KREMEN1: variants seen among roughly 807,000 people sequenced by gnomAD.
KREMEN1 encodes the protein kringle containing transmembrane protein 1, also known as kremen protein 1.
Under a neutral mutation model 46.5 loss-of-function variants are expected in KREMEN1, and 30 were observed. The observed-to-expected ratio is 0.65, with a 90% CI of 0.48 to 0.88. KREMEN1 has a LOEUF of 0.88. Among genes scored for constraint, KREMEN1 ranks in the 40% least tolerant of loss-of-function variants. The pLI, the probability that KREMEN1 is intolerant of heterozygous loss-of-function variation, is 0.00. For missense variants in KREMEN1, 533 were observed against 596.9 expected (o/e 0.89, Z 1.11); for synonymous variants, 214 against 230.6 (o/e 0.93, Z 0.65).
Position 29,142,159 on chromosome 22 carries a change from C to T in KREMEN1, c.*47C>T, listed in dbSNP as rs748925110. ...TTGAGGTCCCTCTTTGAGCTCAAGG[C>T]TGCCGTGGTCAACCTCTCCTGTGGT... On this transcript the variant is annotated 3_prime_UTR_variant, in exon 9 of 9. Coordinates refer to ENST00000400335, the MANE Select transcript of KREMEN1 (RefSeq NM_001039570.3). The T allele has an allele frequency of 2.0e-6, 3 of 1,494,174 alleles. No individual in the cohort carries two copies. Among genetic ancestry groups the T allele is most frequent in the Admixed American group, 2.2e-5 (1 of 44,486 alleles). 92.6% of individuals were successfully genotyped at this position (1,494,174 alleles called of 1,614,324 possible). A position where few individuals can be genotyped will look rare whatever the true frequency, so the allele number is the denominator to read the frequency against.
intron 3 of KREMEN1, among the ~76,000 whole-genome samples, chr22:29,101,172 A>G: frequency 6.7e-6 from 1 of 149,670 alleles, no homozygotes; most frequent in African/African-American, 2.5e-5. Flanking sequence ...GAATCACTTG[A>G]ACCTGGGAGG....
chr22:29,144,744 G>A lies in KREMEN1; in HGVS notation c.*2632G>A. 4.1e-6 allele frequency: 4 copies of A among 985,536 alleles called. No homozygotes were observed. The highest frequency in any genetic ancestry group is 4.8e-6 in the Non-Finnish European group (4 of 829,992). The allele number at this position is 985,536 out of a possible 1,614,324, so 61.0% of individuals were successfully genotyped here. ...CAGGGGGCAGTTGTTCAGTTGCCTG[G>A]GGCTGACACTGACCACTGGCCTCTG... is the stretch of plus-strand genomic sequence containing the variant. On this transcript the variant is annotated 3_prime_UTR_variant, in exon 9 of 9. Coordinates refer to ENST00000400335, the MANE Select transcript of KREMEN1 (RefSeq NM_001039570.3).
exon 10 of KREMEN1, chr22:29,167,229 C>T (rs966114113): frequency 1.0e-4 from 82 of 815,026 alleles, no homozygotes; most frequent in Non-Finnish European, 1.6e-4. Flanking sequence ...CGTGGTGGTT[C>T]ATGCCTGTAA....
intron 5 of KREMEN1, among the ~76,000 whole-genome samples, chr22:29,136,833 G>A (rs760690715): frequency 5.3e-5 from 8 of 152,162 alleles, no homozygotes; most frequent in African/African-American, 1.2e-4. Context: ...TCATGGGAGC[G>A]TTGCATGGGT....
intron 3 of KREMEN1, among the ~76,000 whole-genome samples, chr22:29,112,493 T>C (rs900942843): frequency 6.6e-6 from 1 of 152,216 alleles, no homozygotes; most frequent in Non-Finnish European, 1.5e-5. Context: ...TGGGCCTGCC[T>C]GATTGCTTCC....
At chr22:29,159,624 T>TA in intron 9 of KREMEN1, among the ~76,000 whole-genome samples, 1 of 124,040 alleles carries the variant, frequency 8.1e-6, no homozygotes, top group Non-Finnish European at 1.7e-5. Context: ...GTCTAAAAAA[T>TA]AAAAAACAAA....
intron 1 of KREMEN1, among the ~76,000 whole-genome samples, chr22:29,077,033 T>C (rs1394255303): frequency 6.6e-6 from 1 of 152,148 alleles, no homozygotes; most frequent in African/African-American, 2.4e-5. Context: ...CCAAAAGCAA[T>C]AAATGAGTAA....
chr22:29,076,738 G>A (rs919390655), intron 1 of KREMEN1, among the ~76,000 whole-genome samples: 1 of 152,164 alleles, frequency 6.6e-6, no homozygotes, highest in Non-Finnish European at 1.5e-5. Context: ...TGTAATCCCA[G>A]CTACTTGGGA....
intron 5 of KREMEN1, among the ~76,000 whole-genome samples, chr22:29,132,984 C>T (rs2038586449): frequency 6.6e-6 from 1 of 152,168 alleles, no homozygotes; most frequent in African/African-American, 2.4e-5. Context: ...TGTGGTGGCT[C>T]ATGCCTGTAA....
intron 2 of KREMEN1, 80 bp from the exon 3 acceptor site, chr22:29,098,782 C>A: frequency 9.2e-7 from 1 of 1,083,342 alleles, no homozygotes; most frequent in Non-Finnish European, 1.4e-6. Context: ...AAAGCATTTC[C>A]TTTTCTGTAA....
intron 9 of KREMEN1, among the ~76,000 whole-genome samples, chr22:29,161,012 CA>C (rs2039005444): frequency 6.6e-6 from 1 of 152,020 alleles, no homozygotes. Context: ...ATCAAATAAG[CA>C]AAATCAGAAA....
At chr22:29,141,719 C>A (rs1389539300) in intron 8 of KREMEN1, among the ~76,000 whole-genome samples, 3 of 152,194 alleles carry the variant, frequency 2.0e-5, no homozygotes, top group African/African-American at 7.2e-5. Flanking sequence ...TTAGAAAGTT[C>A]TTTGTTATTC....
At position 29,142,869 on chromosome 22, in the gene KREMEN1, GCT is replaced by G. The variant is rs1219934148; in HGVS notation, c.*758_*759del. ...TTTGGTCATATAAAACATCCATTCA[GCT>G]GGGCGCGATGGCTCATGCCTGTAAT... On this transcript the variant is annotated 3_prime_UTR_variant, in exon 9 of 9. Coordinates refer to ENST00000400335, the MANE Select transcript of KREMEN1 (RefSeq NM_001039570.3). 1 of 985,356 alleles carries G rather than the reference GCT, an allele frequency of 1.0e-6. No individual in the cohort carries two copies. Among genetic ancestry groups the G allele is most frequent in the Admixed American group, 6.1e-5 (1 of 16,268 alleles). The allele number at this position is 985,356 out of a possible 1,614,324, so 61.0% of individuals were successfully genotyped here. A position where few individuals can be genotyped will look rare whatever the true frequency, so the allele number is the denominator to read the frequency against.
At chr22:29,116,240 T>C (rs1421956752) in intron 3 of KREMEN1, among the ~76,000 whole-genome samples, 1 of 152,106 alleles carries the variant, frequency 6.6e-6, no homozygotes, top group African/African-American at 2.4e-5. Flanking sequence ...GAAATGGAGA[T>C]AGAATAGGAG....
At chr22:29,127,779 C>T (rs1465856675) in intron 5 of KREMEN1, among the ~76,000 whole-genome samples, 1 of 152,118 alleles carries the variant, frequency 6.6e-6, no homozygotes. Context: ...AAAAAACATA[C>T]ATACCAATGT....
chr22:29,077,577 A>C (rs2037593384), intron 1 of KREMEN1, among the ~76,000 whole-genome samples: 1 of 152,100 alleles, frequency 6.6e-6, no homozygotes, highest in African/African-American at 2.4e-5. Flanking sequence ...ATTTCCTATA[A>C]TTTTTATGTT....
chr22:29,147,560 G>T (rs762927543), downstream of KREMEN1, among the ~76,000 whole-genome samples: 13 of 152,212 alleles, frequency 8.5e-5, no homozygotes, highest in Middle Eastern at 3.2e-3. Flanking sequence ...TTCTCTGTGA[G>T]GCCAGTGAGG....
intron 7 of KREMEN1, among the ~76,000 whole-genome samples, chr22:29,139,825 T>G (rs1347444653): frequency 6.6e-6 from 1 of 152,134 alleles, no homozygotes; most frequent in Non-Finnish European, 1.5e-5. Context: ...GGACCCACCA[T>G]AGAAGGTCAG....
intron 2 of KREMEN1, among the ~76,000 whole-genome samples, chr22:29,095,034 CCA>C (rs2037863994): frequency 6.6e-6 from 1 of 152,202 alleles, no homozygotes; most frequent in Non-Finnish European, 1.5e-5. Flanking sequence ...GTTAGCCCTA[CCA>C]CCAGTGGACA....
Sources: allele counts gnomAD v4.1 joint callset (sites outside exome capture counted in the v4.1 genomes callset), GRCh38; gene constraint gnomAD v4.1.1; transcripts MANE v1.5; gene names NCBI Gene and HGNC (gene_info 2026-07-23, HGNC 2026-07-21).